Variants in GPC5 observed in about 807,000 individuals in gnomAD.
The protein encoded by GPC5 is glypican 5, also known as glypican-5.
Under a neutral mutation model 53.9 loss-of-function variants are expected in GPC5, and 47 were observed. The observed-to-expected ratio is 0.87, with a 90% CI of 0.69 to 1.11. GPC5 has a LOEUF of 1.11. Ranked by LOEUF, GPC5 falls within the 50% of genes most tolerant of loss-of-function variation. The pLI is 0.00. For synonymous variants in GPC5, 286 were observed against 263.3 expected (o/e 1.09, Z -0.84); for missense variants, 748 against 713.1 (o/e 1.05, Z -0.56).
At chr13:91,535,884 T>C (rs920837125) in intron 2 of GPC5, among the ~76,000 whole-genome samples, 7 of 152,218 alleles carry the variant, frequency 4.6e-5, no homozygotes, top group African/African-American at 9.6e-5. Flanking sequence ...TGAGGACTAA[T>C]ATGTATACTA....
chr13:92,182,459 A>G (rs1273923552), intron 7 of GPC5, among the ~76,000 whole-genome samples: 2 of 152,370 alleles, frequency 1.3e-5, no homozygotes, highest in East Asian at 3.9e-4. Context: ...CAAAATGTTA[A>G]TATTTCTTTA....
At chr13:92,056,902 T>A (rs975193714) in intron 6 of GPC5, among the ~76,000 whole-genome samples, 1 of 152,166 alleles carries the variant, frequency 6.6e-6, no homozygotes, top group African/African-American at 2.4e-5. Context: ...CATAAAACAG[T>A]CTCTAGTTTG....
chr13:91,458,158 A>T lies in GPC5; in HGVS notation c.325+9236A>T, dbSNP rs1462361644. Among the ~76,000 whole-genome samples, 5 of 152,194 alleles carry T rather than the reference A, an allele frequency of 3.3e-5. No homozygotes were observed. In the South Asian group the frequency reaches 6.2e-4, roughly 19 times the overall value. On this transcript the variant is annotated intron_variant, in intron 2 of 7. Transcript: ENST00000377067. ...TTAGTCATGTGGATACCTGGGAGAA[A>T]CACATTCCAGGACCAGGAAATAGCT... is the stretch of plus-strand genomic sequence containing the variant.
chr13:92,051,374 GTATTTC>G (rs2041027681), intron 6 of GPC5, among the ~76,000 whole-genome samples: 1 of 151,596 alleles, frequency 6.6e-6, no homozygotes, highest in Non-Finnish European at 1.5e-5. Context: ...GCTAATTTTT[GTATTTC>G]TAGTAGAGGC....
At chr13:91,547,993 A>C (rs1465770227) in intron 2 of GPC5, among the ~76,000 whole-genome samples, 1 of 152,166 alleles carries the variant, frequency 6.6e-6, no homozygotes, top group Non-Finnish European at 1.5e-5. Context: ...ATCTCTAAAA[A>C]ACCTACAGCT....
At chr13:92,783,319 G>T (rs889703879) in intron 7 of GPC5, among the ~76,000 whole-genome samples, 1 of 152,146 alleles carries the variant, frequency 6.6e-6, no homozygotes, top group African/African-American at 2.4e-5. Context: ...ACTGCTGAGT[G>T]CATTGAGAGT....
At chr13:91,500,521 T>C (rs1379126466) in intron 2 of GPC5, among the ~76,000 whole-genome samples, 1 of 152,196 alleles carries the variant, frequency 6.6e-6, no homozygotes, top group South Asian at 2.1e-4. Context: ...AGCAAATCAT[T>C]TGGCCATGCA....
chr13:92,718,010 A>G (rs1264681007), intron 7 of GPC5, among the ~76,000 whole-genome samples: 1 of 152,164 alleles, frequency 6.6e-6, no homozygotes, highest in Non-Finnish European at 1.5e-5. Flanking sequence ...ATATCATCTC[A>G]CCCCAGTTAA....
intron 7 of GPC5, among the ~76,000 whole-genome samples, chr13:92,596,125 ATGT>A (rs1883872763): frequency 6.6e-6 from 1 of 152,148 alleles, no homozygotes; most frequent in South Asian, 2.1e-4. Flanking sequence ...AGATGAAGAA[ATGT>A]TGTTCACTGA....
At chr13:91,540,473 G>T (rs1217281671) in intron 2 of GPC5, among the ~76,000 whole-genome samples, 2 of 152,220 alleles carry the variant, frequency 1.3e-5, no homozygotes, top group African/African-American at 4.8e-5. Flanking sequence ...GGAGAGAAAT[G>T]AAGAGTGACT....
chr13:91,846,148 C>T (rs1019949794), intron 5 of GPC5, among the ~76,000 whole-genome samples: 4 of 152,070 alleles, frequency 2.6e-5, no homozygotes, highest in Non-Finnish European at 5.9e-5. Flanking sequence ...ACCTATATGG[C>T]GGTAAGACAC....
chr13:92,103,556 T>A (rs1268850507), intron 6 of GPC5, among the ~76,000 whole-genome samples: 2 of 152,178 alleles, frequency 1.3e-5, no homozygotes, highest in Admixed American at 6.5e-5. Flanking sequence ...GCAATGCTGG[T>A]AAATAGCTAT....
chr13:92,228,327 A>G (rs1454596676), intron 7 of GPC5, among the ~76,000 whole-genome samples: 2 of 152,166 alleles, frequency 1.3e-5, no homozygotes, highest in African/African-American at 4.8e-5. Flanking sequence ...AAAGAAATAA[A>G]AGTAAAATTA....
intron 6 of GPC5, among the ~76,000 whole-genome samples, chr13:92,136,141 TTTGTGTCTCAA>T (rs2041782625): frequency 6.6e-6 from 1 of 152,148 alleles, no homozygotes; most frequent in African/African-American, 2.4e-5. Context: ...TAAAGTCTGT[TTTGTGTCTCAA>T]TTGAAATATG....
chr13:92,749,971 C>T (rs1457358832), intron 7 of GPC5, among the ~76,000 whole-genome samples: 10 of 152,160 alleles, frequency 6.6e-5, no homozygotes, highest in Admixed American at 6.5e-4. Flanking sequence ...CAGCCAGAGG[C>T]TGGTTCACTG....
At chr13:92,554,324 TC>T (rs1882421278) in intron 7 of GPC5, among the ~76,000 whole-genome samples, 1 of 151,936 alleles carries the variant, frequency 6.6e-6, no homozygotes, top group Non-Finnish European at 1.5e-5. Context: ...AAATAATGGT[TC>T]TTTTCAGTAT....
chr13:91,609,826 A>T (rs1400006004), intron 2 of GPC5, among the ~76,000 whole-genome samples: 2 of 152,122 alleles, frequency 1.3e-5, no homozygotes, highest in Admixed American at 6.5e-5. Context: ...TATGGAAAAA[A>T]CCCAGGCTGT....
intron 5 of GPC5, among the ~76,000 whole-genome samples, chr13:91,806,312 G>T (rs2038220778): frequency 6.6e-6 from 1 of 151,818 alleles, no homozygotes; most frequent in Admixed American, 6.6e-5. Context: ...TAGGATTACA[G>T]GCATGAGCCA....
intron 7 of GPC5, among the ~76,000 whole-genome samples, chr13:92,396,023 C>T (rs1875254386): frequency 6.6e-6 from 1 of 151,070 alleles, no homozygotes; most frequent in African/African-American, 2.4e-5. Flanking sequence ...TTGGAAAAAT[C>T]TCAGCCATTC....
Sources: allele counts gnomAD v4.1 joint callset (sites outside exome capture counted in the v4.1 genomes callset), GRCh38; gene constraint gnomAD v4.1.1; transcripts MANE v1.5; gene names NCBI Gene and HGNC (gene_info 2026-07-23, HGNC 2026-07-21).